Variants in GPN1 observed in about 807,000 individuals in gnomAD.
The protein encoded by GPN1 is GPN-loop GTPase 1.
In GPN1, 44 loss-of-function variants were observed where a neutral mutation model predicts 55.9. The observed-to-expected ratio is 0.79, with a 90% CI of 0.62 to 1.01. The LOEUF is 1.01. GPN1 is among the 50% of genes least tolerant of loss of function. The pLI is 0.00. For missense variants in GPN1, 466 were observed against 462.8 expected, an observed-to-expected ratio of 1.01 and a Z score of -0.06; for synonymous variants, 179 against 162.5, an observed-to-expected ratio of 1.10 and a Z score of -0.77.
In GPN1 at chr2:27,629,110, C is replaced by T. The variant is rs746764478; in HGVS notation, c.52C>T (p.His18Tyr). 6.2e-7 allele frequency: 1 copy of T among 1,614,224 alleles called. No homozygotes were observed. Among genetic ancestry groups the T allele is most frequent in the South Asian group, 1.1e-5 (1 of 91,088 alleles). ...GCTCCAGGCTTCTGGGGGTCCGCGG[C>T]ACCCAGTGTGTCTGTTGGTGTTGGG... ...AELQASGGPR[H>Y]PVCLLVLGMA... The change falls in exon 1 of 14, where the codon CAC (histidine) becomes TAC (tyrosine). Residue 18 changes from histidine (H) to tyrosine (Y), a missense_variant. Transcript: ENST00000610189.
At chr2:27,633,886 G>A (rs546978783) in intron 5 of GPN1, among the ~76,000 whole-genome samples, 52 of 151,948 alleles carry the variant, frequency 3.4e-4, no homozygotes, top group African/African-American at 1.2e-3. Flanking sequence ...ACAGAGTCGT[G>A]TGTTGATAAT....
At position 27,629,184 on chromosome 2, in the gene GPN1, A is replaced by G; in HGVS notation, c.111+15A>G. On this transcript the variant is annotated intron_variant, in intron 1 of 13. Transcript: ENST00000610189. ...CTTTTGTACAGGTGACGTACACAGC[A>G]TGGGTGTAGTAGGGGAGCGCAAAAG... 3 of 1,613,596 alleles carry G rather than the reference A, an allele frequency of 1.9e-6. No homozygotes were observed. The highest frequency in any genetic ancestry group is 1.3e-5 in the African/African-American group (1 of 75,046).
intron 13 of GPN1, 97 bp from the exon 14 acceptor site, chr2:27,650,018 T>C (rs966115037): frequency 1.4e-6 from 1 of 716,768 alleles, no homozygotes. Context: ...TTAAGTTTCT[T>C]AGAAGTAATG....
At chr2:27,648,131 G>A (rs183200363) in intron 13 of GPN1, among the ~76,000 whole-genome samples, 188 bp downstream of exon 13, 14 of 152,338 alleles carry the variant, frequency 9.2e-5, no homozygotes, top group Admixed American at 7.8e-4. Flanking sequence ...GCTGATTACA[G>A]GCCTTTCGTT....
chr2:27,631,415 A>C (rs1673549193), intron 3 of GPN1: 1 of 420,408 alleles, frequency 2.4e-6, no homozygotes, highest in African/African-American at 2.0e-5. Context: ...AGTTGGATTA[A>C]CTCTTAGTAA....
upstream of GPN1, chr2:27,628,626 C>G (rs1439934464): frequency 1.3e-6 from 2 of 1,551,454 alleles, no homozygotes; most frequent in African/African-American, 2.7e-5. Context: ...CAGCCCTGAA[C>G]TGTTTAACCG....
intron 5 of GPN1, among the ~76,000 whole-genome samples, chr2:27,633,928 AAAG>A (rs1673639524): frequency 6.6e-6 from 1 of 152,010 alleles, no homozygotes; most frequent in Admixed American, 6.5e-5. Flanking sequence ...GTCATCCTGA[AAAG>A]AAACCCCATA....
chr2:27,650,038 C>T (rs7582852), intron 13 of GPN1, 77 bp from the exon 14 acceptor site: 2 of 819,152 alleles, frequency 2.4e-6, no homozygotes, highest in African/African-American at 1.7e-5. Flanking sequence ...GTACTGTTTT[C>T]TGATGGATGG....
At chr2:27,638,312 A>T in intron 8 of GPN1, 57 bp downstream of exon 8, 5 of 981,396 alleles carry the variant, frequency 5.1e-6, no homozygotes. Flanking sequence ...TTGTGGTTAG[A>T]AGGTTTAGGT....
intron 13 of GPN1, among the ~76,000 whole-genome samples, chr2:27,649,216 G>T (rs148360965): frequency 6.6e-6 from 1 of 151,448 alleles, no homozygotes; most frequent in East Asian, 2.0e-4. Flanking sequence ...TTGCACTCAG[G>T]CCTCGGTAAC....
intron 1 of GPN1, 80 bp from the exon 2 acceptor site, chr2:27,629,779 A>C: frequency 2.5e-6 from 2 of 800,312 alleles, no homozygotes; most frequent in Non-Finnish European, 4.5e-6. Flanking sequence ...AATATTCTTA[A>C]GGCATGGGTG....
chr2:27,633,359 A>T (rs935290292), intron 5 of GPN1, among the ~76,000 whole-genome samples: 2 of 152,176 alleles, frequency 1.3e-5, no homozygotes, highest in African/African-American at 4.8e-5. Context: ...AGGCTGGAGT[A>T]CAGTGTAGTG....
At chr2:27,648,034 C>T (rs1674325378) in intron 13 of GPN1, 91 bp downstream of exon 13, 1 of 728,954 alleles carries the variant, frequency 1.4e-6, no homozygotes, top group Non-Finnish European at 2.5e-6. Context: ...AGCGTGTAGC[C>T]AGTAATAGTG....
chr2:27,633,566 C>T (rs750154333), intron 5 of GPN1, among the ~76,000 whole-genome samples: 3 of 152,090 alleles, frequency 2.0e-5, no homozygotes, highest in Non-Finnish European at 4.4e-5. Context: ...ATCTTTGCAT[C>T]CCGGGTTCAA....
rs199697263 is a variant in GPN1 at position 27,643,197 on chromosome 2, A to AT, written c.931+691dup. On this transcript the variant is annotated intron_variant, in intron 12 of 13. Transcript: ENST00000610189. The surrounding 1 kb of genome is among the most constrained non-coding windows in gnomAD (Gnocchi z 4.0). ...TCAATTTTTTTTATAATTAAAAAAAATTTTTTTTTTTTTACAGTTTGACCT... is the reference window on the plus strand; with the variant it reads ...TCAATTTTTTTTATAATTAAAAAAAATTTTTTTTTTTTTTACAGTTTGACCT... 1.3e-3 allele frequency among the ~76,000 whole-genome samples: 185 copies of AT among 144,460 alleles called. No homozygotes were observed. Among genetic ancestry groups the AT allele is most frequent in the Admixed American group, 1.2e-3 (17 of 14,402 alleles). 94.8% of individuals were successfully genotyped at this position (144,460 alleles called of 152,430 possible).
In GPN1 at chr2:27,629,174, C is replaced by G. The variant is rs1267153599; in HGVS notation, c.111+5C>G. On this transcript the variant is annotated splice_donor_5th_base_variant and intron_variant, in intron 1 of 13. Transcript: ENST00000610189. ...GGGAAAACCACTTTTGTACAGGTGA[C>G]GTACACAGCATGGGTGTAGTAGGGG... The G allele has an allele frequency of 6.2e-7, 1 of 1,613,904 alleles. No homozygotes were observed. The highest frequency in any genetic ancestry group is 2.2e-5 in the East Asian group (1 of 44,872).
upstream of GPN1, chr2:27,628,734 G>T: frequency 1.3e-6 from 2 of 1,550,542 alleles, no homozygotes; most frequent in Non-Finnish European, 1.7e-6. Context: ...TCGTTTTCTT[G>T]CTGTGTGAGC....
At chr2:27,628,607 C>T, upstream of GPN1, 1 of 1,551,576 alleles carries the variant, frequency 6.4e-7, no homozygotes, top group South Asian at 1.2e-5. Flanking sequence ...GCTCCAGTCC[C>T]GGCTGGTCCA....
At chr2:27,634,268 T>C (rs1271297925) in intron 5 of GPN1, among the ~76,000 whole-genome samples, 1 of 152,194 alleles carries the variant, frequency 6.6e-6, no homozygotes, top group Non-Finnish European at 1.5e-5. Context: ...CATAATTATA[T>C]CAAATTAATT....
Sources: gnomAD v4.1 joint callset for allele counts (sites outside exome capture counted in the v4.1 genomes callset) on GRCh38, gnomAD v4.1.1 for gene constraint, Gnocchi (gnomAD v3.1) non-coding constraint, MANE v1.5 for transcripts, NCBI Gene and HGNC (gene_info 2026-07-23, HGNC 2026-07-21) for gene names.